The following ENPP2 variants were observed in gnomAD, a reference collection of about 807,000 sequenced individuals.
ENPP2 encodes ectonucleotide pyrophosphatase/phosphodiesterase 2, also known as autotaxin.
Under a neutral mutation model 120.2 loss-of-function variants are expected in ENPP2, and 51 were observed. The ratio of observed to expected loss-of-function variants is 0.42; its 90% CI spans 0.34 to 0.54. ENPP2 has a LOEUF of 0.54. ENPP2 is among the 20% of genes least tolerant of loss of function. The pLI, the probability that ENPP2 is intolerant of heterozygous loss-of-function variation, is 0.04. For missense variants in ENPP2, 920 were observed against 1,066.5 expected (o/e 0.86, Z 1.91); for synonymous variants, 365 against 366.4 (o/e 1.00, Z 0.04).
At chr8:119,571,754 A>G (rs940143593) in intron 19 of ENPP2, 2 of 153,270 alleles carry the variant, frequency 1.3e-5, no homozygotes, top group African/African-American at 4.8e-5. Context: ...TAAATTTAAA[A>G]AAAAATAAAT....
chr8:119,611,188 G>A (rs1290041228), intron 8 of ENPP2, among the ~76,000 whole-genome samples: 1 of 152,170 alleles, frequency 6.6e-6, no homozygotes, highest in Non-Finnish European at 1.5e-5. Flanking sequence ...GTAGCTTTGG[G>A]AGAAAAGGAG....
intron 1 of ENPP2, among the ~76,000 whole-genome samples, chr8:119,657,870 A>G (rs1189395865): frequency 6.6e-6 from 1 of 152,192 alleles, no homozygotes; most frequent in African/African-American, 2.4e-5. Context: ...CAGGCTAACA[A>G]TGCTTTTCTC....
intron 2 of ENPP2, among the ~76,000 whole-genome samples, chr8:119,632,344 T>C (rs995989227): frequency 6.6e-6 from 1 of 152,164 alleles, no homozygotes; most frequent in Admixed American, 6.5e-5. Context: ...GGCAGAAATA[T>C]GTGATAAGTA....
Position 119,601,446 on chromosome 8 carries a change from G to A in ENPP2, c.850C>T (p.Arg284Trp), listed in dbSNP as rs754447477. Residue 284 changes from arginine to tryptophan, a missense_variant, in exon 10 of 25, where the codon CGG becomes TGG. By Grantham distance (101) the Arg-to-Trp change is moderately radical. Transcript: ENST00000075322. Reference protein sequence around the residue: ...FFWSVVIPHERRILTILQWLT... With the variant: ...FFWSVVIPHEWRILTILQWLT... ...CACTGCAATATGGTTAATATTCTCC[G>A]CTCGTGAGGGATGACACTGGAGGGT... 18 of 1,612,526 alleles carry A rather than the reference G, an allele frequency of 1.1e-5. 1 individual carries two copies. Among genetic ancestry groups the A allele is most frequent in the South Asian group, 5.5e-5 (5 of 91,006 alleles).
chr8:119,583,592 C>A, intron 17 of ENPP2, 125 bp downstream of exon 17: 3 of 611,926 alleles, frequency 4.9e-6, no homozygotes, highest in South Asian at 4.5e-5. Flanking sequence ...CAAGTTACAA[C>A]CTTTTGTGGG....
chr8:119,670,900 C>A (rs1187966290), intron 1 of ENPP2, among the ~76,000 whole-genome samples: 1 of 152,000 alleles, frequency 6.6e-6, no homozygotes, highest in African/African-American at 2.4e-5. Flanking sequence ...CAATGTGTAT[C>A]CACCAAAATT....
upstream of ENPP2, among the ~76,000 whole-genome samples, chr8:119,642,460 A>C (rs1817311535): frequency 6.6e-6 from 1 of 152,128 alleles, no homozygotes; most frequent in South Asian, 2.1e-4. Context: ...TTGTCTAATA[A>C]ATACAATATC....
At chr8:119,563,107 T>A in intron 23 of ENPP2, 94 bp from the exon 24 acceptor site, 2 of 1,002,820 alleles carry the variant, frequency 2.0e-6, no homozygotes, top group Non-Finnish European at 3.0e-6. Context: ...CCTAAGTCAC[T>A]AAAATTAATC....
chr8:119,597,313 A>G (rs1012557202), intron 11 of ENPP2, among the ~76,000 whole-genome samples: 4 of 152,190 alleles, frequency 2.6e-5, no homozygotes, highest in African/African-American at 9.7e-5. Flanking sequence ...CTAGCGCTCA[A>G]GTCGGCCCAT....
intron 18 of ENPP2, 163 bp from the exon 19 acceptor site, chr8:119,580,330 C>T (rs1812646732): frequency 4.6e-6 from 3 of 659,044 alleles, no homozygotes; most frequent in Non-Finnish European, 8.2e-6. Flanking sequence ...TTCTCTCAAA[C>T]TGACATTCTG....
intron 2 of ENPP2, among the ~76,000 whole-genome samples, chr8:119,636,152 T>G (rs942519614): frequency 3.3e-5 from 5 of 152,220 alleles, no homozygotes; most frequent in Non-Finnish European, 5.9e-5. Context: ...TGTCTTATTC[T>G]TACAGGCTTA....
upstream of ENPP2, among the ~76,000 whole-genome samples, chr8:119,642,117 G>A (rs1817302585): frequency 6.6e-6 from 1 of 152,054 alleles, no homozygotes; most frequent in Admixed American, 6.5e-5. Context: ...GAGACTTCTA[G>A]GAAATCTAGA....
intron 12 of ENPP2, chr8:119,593,051 T>C: frequency 3.3e-6 from 2 of 605,610 alleles, no homozygotes; most frequent in Non-Finnish European, 4.1e-6. Flanking sequence ...AGATACCCTT[T>C]AGAACTCAGT....
upstream of ENPP2, among the ~76,000 whole-genome samples, chr8:119,640,385 A>G (rs1817241588): frequency 6.6e-6 from 1 of 152,244 alleles, no homozygotes; most frequent in Non-Finnish European, 1.5e-5. Context: ...TACAAGCCAG[A>G]CATGATAGAG....
chr8:119,576,632 A>G (rs951931334), intron 19 of ENPP2, among the ~76,000 whole-genome samples: 1 of 152,246 alleles, frequency 6.6e-6, no homozygotes, highest in Admixed American at 6.5e-5. Context: ...TAAATGGTGC[A>G]ATTATTCTTG....
At chr8:119,561,810 TG>T (rs1488092637) in intron 24 of ENPP2, among the ~76,000 whole-genome samples, 28 of 151,932 alleles carry the variant, frequency 1.8e-4, no homozygotes, top group African/African-American at 4.3e-4. Flanking sequence ...TGTGTGTGTG[TG>T]TGTTTGTGTG....
At chr8:119,580,225 C>A in intron 18 of ENPP2, 58 bp from the exon 19 acceptor site, 1 of 1,365,312 alleles carries the variant, frequency 7.3e-7, no homozygotes. Flanking sequence ...TGTTCTTTCC[C>A]TCTGTGCCCT....
upstream of ENPP2, among the ~76,000 whole-genome samples, chr8:119,640,707 G>C (rs1434396387): frequency 6.6e-6 from 1 of 152,048 alleles, no homozygotes; most frequent in African/African-American, 2.4e-5. Flanking sequence ...ATCCAAAAGA[G>C]TTGACCTCAG....
At chr8:119,671,962 A>G (rs1292253838) in intron 1 of ENPP2, among the ~76,000 whole-genome samples, 1 of 152,222 alleles carries the variant, frequency 6.6e-6, no homozygotes, top group East Asian at 1.9e-4. Flanking sequence ...GAGAAAGGAA[A>G]GGACCAATAG....
Sources: gnomAD v4.1 joint callset for allele counts (sites outside exome capture counted in the v4.1 genomes callset) on GRCh38, gnomAD v4.1.1 for gene constraint, MANE v1.5 for transcripts, NCBI Gene and HGNC (gene_info 2026-07-23, HGNC 2026-07-21) for gene names.